ZNF549: variants seen among roughly 807,000 people sequenced by gnomAD.
ZNF549 encodes the protein zinc finger protein 549.
A neutral mutation model predicts 11.1 loss-of-function variants in ZNF549; 11 were observed. That is an observed-to-expected ratio of 0.99 (90% CI 0.62 to 1.64). The LOEUF (loss-of-function observed/expected upper bound fraction) is 1.64. ZNF549 is among the 40% of genes most tolerant of loss of function. The probability of loss-of-function intolerance (pLI) is 0.00; values close to 1 mark genes in which losing one functional copy is unlikely to be tolerated. For synonymous variants in ZNF549, 266 were observed against 269.1 expected (o/e 0.99, Z 0.11); for missense variants, 748 against 765.1 (o/e 0.98, Z 0.26).
chr19:57,533,606 CAG>C (rs927720664), intron 2 of ZNF549, among the ~76,000 whole-genome samples: 3 of 152,162 alleles, frequency 2.0e-5, no homozygotes, highest in Non-Finnish European at 4.4e-5. Flanking sequence ...GGCCCCCTAT[CAG>C]AGTGCCTCCT....
intron 1 of ZNF549, among the ~76,000 whole-genome samples, chr19:57,530,039 G>T (rs1332713611): frequency 6.6e-6 from 1 of 152,170 alleles, no homozygotes; most frequent in Non-Finnish European, 1.5e-5. Flanking sequence ...GAAGTTGAGT[G>T]TGGGTAACTG....
At position 57,535,069 on chromosome 19, in the gene ZNF549, C is replaced by G. The variant is rs557168728; in HGVS notation, c.73-75C>G. The G allele has an allele frequency of 4.5e-6, 7 of 1,571,160 alleles. No individual in the cohort carries two copies. The East Asian group carries it at 1.3e-4, about 30-fold the overall frequency. On this transcript the variant is annotated intron_variant, in intron 2 of 3. Transcript: ENST00000376233. Reference sequence around the variant, plus strand: ...CTGGTATCTCCTCTGAGTTGGAGAACTAGGGAGGAGCGAGATTTACTGGGG... The same window carrying G: ...CTGGTATCTCCTCTGAGTTGGAGAAGTAGGGAGGAGCGAGATTTACTGGGG...
chr19:57,539,126 TACCATGTGGC>T lies in ZNF549; in HGVS notation c.*201_*210del, dbSNP rs2089943485. 1.7e-6 allele frequency: 1 copy of T among 597,912 alleles called. No individual in the cohort carries two copies. The highest frequency in any genetic ancestry group is 3.0e-5 in the Admixed American group (1 of 32,806). The allele number at this position is 597,912 out of a possible 1,614,324, so 37.0% of individuals were successfully genotyped here. ...ATCTGCCCAGTGTTACAACAGACAC[TACCATGTGGC>T]ATATCCTCACCGTTTTCATCAGTCA... On this transcript the variant is annotated 3_prime_UTR_variant, in exon 4 of 4. Coordinates refer to ENST00000376233, the MANE Select transcript of ZNF549 (RefSeq NM_001199295.2).
chr19:57,535,299 C>CCTCTGCTGGA, intron 3 of ZNF549, 29 bp downstream of exon 3: 1 of 1,607,980 alleles, frequency 6.2e-7, no homozygotes, highest in South Asian at 1.1e-5. Flanking sequence ...ACACCATCAA[C>CCTCTGCTGGA]CTCTGCTGGA....
rs2089942740 is a variant in ZNF549, at chr19:57,539,014, C to T, written c.*87C>T. ...GGGATCCAACAGACAGAAATTCACC[C>T]TCATACATCTGCATATCACTAGTTG... On this transcript the variant is annotated 3_prime_UTR_variant, in exon 4 of 4. Transcript: ENST00000376233. 4.3e-6 allele frequency: 6 copies of T among 1,398,218 alleles called. No homozygotes were observed. Among genetic ancestry groups the T allele is most frequent in the Non-Finnish European group, 5.8e-6 (6 of 1,038,368 alleles). The allele number at this position is 1,398,218 out of a possible 1,614,324, so 86.6% of individuals were successfully genotyped here. A position where few individuals can be genotyped will look rare whatever the true frequency, so the allele number is the denominator to read the frequency against.
Position 57,538,695 on chromosome 19 carries a change from A to T in ZNF549, c.1691A>T (p.Lys564Ile), listed in dbSNP as rs61736505. The change falls in exon 4 of 4, where the codon AAA (lysine) becomes ATA (isoleucine). Residue 564 changes from lysine (K) to isoleucine (I), a missense_variant. Coordinates refer to ENST00000376233, the MANE Select transcript of ZNF549 (RefSeq NM_001199295.2). ...CCCTGTGAGTGCAGTGAATGTGGGA[A>T]ATGCTTTAGACACCGCACCAGCCTC... is the stretch of plus-strand genomic sequence containing the variant. ...EKPCECSECG[K>I]CFRHRTSLIQ... The T allele has an allele frequency of 9.9e-6, 16 of 1,614,176 alleles. No homozygotes were observed. Among genetic ancestry groups the T allele is most frequent in the Non-Finnish European group, 1.4e-5 (16 of 1,180,038 alleles).
chr19:57,527,786 C>A (rs1327894298), intron 1 of ZNF549, among the ~76,000 whole-genome samples, 180 bp downstream of exon 1: 2 of 152,142 alleles, frequency 1.3e-5, no homozygotes, highest in South Asian at 2.1e-4. Flanking sequence ...GGGGGCTGCA[C>A]GCGCAGAGCC....
In ZNF549 at chr19:57,537,744, A is replaced by G. The variant is rs762129664; in HGVS notation, c.740A>G (p.Tyr247Cys). 1.2e-5 allele frequency: 20 copies of G among 1,614,100 alleles called. No individual in the cohort carries two copies. The highest frequency in any genetic ancestry group is 1.5e-5 in the Non-Finnish European group (18 of 1,180,042). The change falls in exon 4 of 4, where the codon TAT (tyrosine) becomes TGT (cysteine). Residue 247 changes from tyrosine to cysteine, a missense_variant. Coordinates refer to ENST00000376233, the MANE Select transcript of ZNF549 (RefSeq NM_001199295.2). ...HQRVHTGEKA[Y>C]KRREYGKSLN... ...AGAGTCCACACTGGAGAAAAAGCTT[A>G]TAAGCGTAGGGAATATGGGAAATCC...
In ZNF549 at chr19:57,538,941, G is replaced by T. The variant is rs747375367; in HGVS notation, c.*14G>T. 1 of 1,587,978 alleles carries T rather than the reference G, an allele frequency of 6.3e-7. No individual in the cohort carries two copies. The highest frequency in any genetic ancestry group is 8.5e-7 in the Non-Finnish European group (1 of 1,172,926). On this transcript the variant is annotated 3_prime_UTR_variant, in exon 4 of 4. Coordinates refer to ENST00000376233, the MANE Select transcript of ZNF549 (RefSeq NM_001199295.2). Reference sequence around the variant, plus strand: ...GAAGAGCCCTAGCAATTGTTGGGATGTGTAATTGTCTTATTCACTGTAGGA... The same window carrying T: ...GAAGAGCCCTAGCAATTGTTGGGATTTGTAATTGTCTTATTCACTGTAGGA...
chr19:57,535,080 C>G (rs998187327), intron 2 of ZNF549, 64 bp from the exon 3 acceptor site: 1 of 1,586,958 alleles, frequency 6.3e-7, no homozygotes, highest in Non-Finnish European at 8.6e-7. Context: ...TAGGGAGGAG[C>G]GAGATTTACT....
intron 1 of ZNF549, among the ~76,000 whole-genome samples, chr19:57,527,881 G>C (rs1382617337): frequency 1.3e-5 from 2 of 152,190 alleles, no homozygotes; most frequent in African/African-American, 2.4e-5. Context: ...AGGAGAAGAA[G>C]GCACGGCTGC....
intron 2 of ZNF549, among the ~76,000 whole-genome samples, chr19:57,533,168 A>G (rs2089910980): frequency 1.3e-5 from 2 of 152,182 alleles, no homozygotes. Flanking sequence ...AATTGCTGTA[A>G]ATAGGCCTTT....
intron 3 of ZNF549, among the ~76,000 whole-genome samples, chr19:57,536,046 G>A (rs1318135020): frequency 6.6e-6 from 1 of 151,972 alleles, no homozygotes; most frequent in East Asian, 1.9e-4. Flanking sequence ...TCTTTTCTCT[G>A]CCTGCTTGAC....
chr19:57,538,882 T>A lies in ZNF549; in HGVS notation c.1878T>A (p.Tyr626Ter), dbSNP rs1468820267. The A allele has an allele frequency of 1.2e-6, 2 of 1,609,564 alleles. No individual in the cohort carries two copies. The highest frequency in any genetic ancestry group is 3.3e-4 in the Middle Eastern group (2 of 6,060). The change falls in exon 4 of 4, where the codon TAT (tyrosine) becomes TAA (stop). Residue 626 changes from tyrosine (Y) to a stop codon, truncating the protein, a stop_gained. Transcript: ENST00000376233. LOFTEE classifies it low-confidence loss of function (END_TRUNC). ...GTGGGAAAGCCTTCAACAAAAGATA[T>A]TCCCTTGTCAGGCACCAGAAGGTAC... ...GKCGKAFNKR[Y>*]SLVRHQKVHI...
rs1248987480 is a variant in ZNF549, at chr19:57,535,147, C to T, written c.76C>T (p.His26Tyr). The T allele has an allele frequency of 1.2e-6, 2 of 1,613,780 alleles. No individual in the cohort carries two copies. The highest frequency in any genetic ancestry group is 2.2e-5 in the East Asian group (1 of 44,890). The change falls in exon 3 of 4, where the codon CAT becomes TAT. Residue 26 changes from histidine (H) to tyrosine (Y), a missense_variant. Transcript: ENST00000376233. The stretch of plus-strand genomic sequence containing the variant: ...TTCATCTGCCCCCATCATGCAGGGC[C>T]ATGTGACCTTTGAGGATATTGCTGT... ...TEEFVKPSQG[H>Y]VTFEDIAVYF...
Position 57,540,445 on chromosome 19 carries a change from G to A in ZNF549, c.*1518G>A, listed in dbSNP as rs1324998335. ...GGGTTTTGATAGTCATGTTATCTCA[G>A]TAAGTGTCTTGTCTTAGAAATATGT... is the stretch of plus-strand genomic sequence containing the variant. On this transcript the variant is annotated 3_prime_UTR_variant, in exon 4 of 4. Transcript: ENST00000376233. 3 of 152,194 alleles carry A rather than the reference G, an allele frequency of 2.0e-5. No individual in the cohort carries two copies. Among genetic ancestry groups the A allele is most frequent in the African/African-American group, 7.2e-5 (3 of 41,430 alleles). 9.4% of individuals were successfully genotyped at this position (152,194 alleles called of 1,614,324 possible).
Position 57,539,128 on chromosome 19 carries a change from C to T in ZNF549, c.*201C>T. The T allele has an allele frequency of 1.7e-6, 1 of 592,220 alleles. No homozygotes were observed. The highest frequency in any genetic ancestry group is 2.9e-6 in the Non-Finnish European group (1 of 342,110). The allele number at this position is 592,220 out of a possible 1,614,324, so 36.7% of individuals were successfully genotyped here. On this transcript the variant is annotated 3_prime_UTR_variant, in exon 4 of 4. Transcript: ENST00000376233. Reference sequence around the variant, plus strand: ...CTGCCCAGTGTTACAACAGACACTACCATGTGGCATATCCTCACCGTTTTC... The same window carrying T: ...CTGCCCAGTGTTACAACAGACACTATCATGTGGCATATCCTCACCGTTTTC...
At chr19:57,530,059 A>G (rs2089897537) in intron 1 of ZNF549, among the ~76,000 whole-genome samples, 1 of 152,152 alleles carries the variant, frequency 6.6e-6, no homozygotes, top group South Asian at 2.1e-4. Context: ...GAAACTGCAA[A>G]TAGCAAAACA....
At chr19:57,531,817 ACTACT>A (rs2089905421) in intron 2 of ZNF549, among the ~76,000 whole-genome samples, 1 of 152,210 alleles carries the variant, frequency 6.6e-6, no homozygotes, top group South Asian at 2.1e-4. Context: ...ATTTTATCAC[ACTACT>A]CAGAGAAGCA....
Sources: gnomAD v4.1 joint callset for allele counts (sites outside exome capture counted in the v4.1 genomes callset) on GRCh38, gnomAD v4.1.1 for gene constraint, MANE v1.5 for transcripts, NCBI Gene and HGNC (gene_info 2026-07-23, HGNC 2026-07-21) for gene names.